The following LRRK2 variants were observed in gnomAD, a reference collection of about 807,000 sequenced individuals.
LRRK2 encodes leucine rich repeat kinase 2.
Under a neutral mutation model 302.6 loss-of-function variants are expected in LRRK2, and 203 were observed. That is an observed-to-expected ratio of 0.67 (90% CI 0.60 to 0.75). The LOEUF (loss-of-function observed/expected upper bound fraction) is 0.75. LRRK2 is among the 30% of genes least tolerant of loss of function. LRRK2 has a pLI of 0.00. For missense variants in LRRK2, 2,830 were observed against 2,951.0 expected (o/e 0.96, Z 0.95); for synonymous variants, 1,066 against 1,031.9 (o/e 1.03, Z -0.63).
At chr12:40,346,571 GATGTT>G (rs1193415004) in intron 41 of LRRK2, among the ~76,000 whole-genome samples, 177 bp from the exon 42 acceptor site, 3 of 152,128 alleles carry the variant, frequency 2.0e-5, no homozygotes, top group African/African-American at 7.2e-5. Flanking sequence ...TGGGGGGTGA[GATGTT>G]ATGAGACAGG....
intron 2 of LRRK2, among the ~76,000 whole-genome samples, chr12:40,229,734 T>A (rs1941078697): frequency 6.6e-6 from 1 of 152,208 alleles, no homozygotes; most frequent in African/African-American, 2.4e-5. Context: ...CTTAGAGAGA[T>A]AAGCTTTTAA....
intron 2 of LRRK2, among the ~76,000 whole-genome samples, chr12:40,231,948 C>G (rs1280005397): frequency 6.6e-6 from 1 of 151,646 alleles, no homozygotes; most frequent in Admixed American, 6.6e-5. Flanking sequence ...AGATTACAGG[C>G]GCCCATCACC....
At chr12:40,249,275 G>T (rs1455193389) in intron 7 of LRRK2, among the ~76,000 whole-genome samples, 1 of 151,376 alleles carries the variant, frequency 6.6e-6, no homozygotes, top group African/African-American at 2.4e-5. Context: ...GTATAAAAAG[G>T]TATGGGACTT....
chr12:40,304,089 G>A lies in LRRK2; in HGVS notation c.3732G>A (p.Trp1244Ter). ...ACTTGAGTGAAAAAGCATATTTATG[G>A]TCTAGAGTAGAGAAACTGCATCTTT... ...ILDLSEKAYL[W>*]SRVEKLHLSH... The change falls in exon 27 of 51, where the codon TGG becomes TGA. Residue 1244 changes from tryptophan to a stop codon, truncating the protein, a stop_gained. Coordinates refer to ENST00000298910, the MANE Select transcript of LRRK2 (RefSeq NM_198578.4). LOFTEE classifies it high-confidence loss of function. The A allele has an allele frequency of 1.9e-6, 3 of 1,613,504 alleles. No individual in the cohort carries two copies. The highest frequency in any genetic ancestry group is 1.7e-6 in the Non-Finnish European group (2 of 1,179,670).
At chr12:40,313,700 T>C (rs1264935453) in intron 31 of LRRK2, among the ~76,000 whole-genome samples, 1 of 151,764 alleles carries the variant, frequency 6.6e-6, no homozygotes, top group Non-Finnish European at 1.5e-5. Context: ...TTTTTTTCCA[T>C]GGAATTTCTG....
chr12:40,254,995 T>A (rs536547701), intron 11 of LRRK2, among the ~76,000 whole-genome samples: 1 of 152,268 alleles, frequency 6.6e-6, no homozygotes, highest in Admixed American at 6.5e-5. Flanking sequence ...ATGGCTACAT[T>A]GGCAGGCAGA....
At chr12:40,313,913 C>A in intron 31 of LRRK2, 59 bp from the exon 32 acceptor site, 1 of 1,453,962 alleles carries the variant, frequency 6.9e-7, no homozygotes, top group Non-Finnish European at 9.5e-7. Context: ...ATTTGCCAAC[C>A]ATTTGACAAA....
chr12:40,286,910 A>T lies in LRRK2; in HGVS notation c.2501-441A>T, dbSNP rs1429045990. Among the ~76,000 whole-genome samples the T allele has an allele frequency of 2.0e-5, 3 of 152,220 alleles. No homozygotes were observed. In the East Asian group the frequency reaches 5.8e-4, roughly 29 times the overall value. Reference sequence around the variant, plus strand: ...CTTTATTTAGCAGTTTATGTGTTCTATGCATTGTGCTAAACATTTTATATG... The same window carrying T: ...CTTTATTTAGCAGTTTATGTGTTCTTTGCATTGTGCTAAACATTTTATATG... On this transcript the variant is annotated intron_variant, in intron 19 of 50. Transcript: ENST00000298910.
chr12:40,302,204 TA>T (rs1179593076), intron 25 of LRRK2, among the ~76,000 whole-genome samples: 24 of 151,670 alleles, frequency 1.6e-4, no homozygotes, highest in Admixed American at 1.6e-3. Flanking sequence ...AATAAAATAA[TA>T]AAAAATAAAA....
At chr12:40,242,762 C>T (rs562611637) in intron 6 of LRRK2, among the ~76,000 whole-genome samples, 9 of 133,738 alleles carry the variant, frequency 6.7e-5, no homozygotes, top group East Asian at 2.3e-4. Context: ...AACTAGTTTA[C>T]AGTCCCACCA....
rs1480819285 is a variant in LRRK2 at position 40,321,086 on chromosome 12, A to C, written c.5068A>C (p.Ile1690Leu). Residue 1690 changes from isoleucine to leucine, a missense_variant, in exon 35 of 51, where the codon ATT (isoleucine) becomes CTT (leucine). Coordinates refer to ENST00000298910, the MANE Select transcript of LRRK2 (RefSeq NM_198578.4). ...GCTTCCCCATTGTGAGAACTCTGAA[A>C]TTATCATCCGACTATATGAAATGCC... ...IELPHCENSE[I>L]IIRLYEMPYF... The C allele has an allele frequency of 6.2e-7, 1 of 1,612,936 alleles. No homozygotes were observed. The highest frequency in any genetic ancestry group is 8.5e-7 in the Non-Finnish European group (1 of 1,179,100).
At chr12:40,239,699 T>C (rs1014494388) in intron 5 of LRRK2, among the ~76,000 whole-genome samples, 5 of 152,160 alleles carry the variant, frequency 3.3e-5, no homozygotes, top group Admixed American at 6.6e-5. Flanking sequence ...CTGTGGAAAC[T>C]AGACCATAAA....
At chr12:40,293,846 A>G (rs1404971739) in intron 21 of LRRK2, among the ~76,000 whole-genome samples, 183 bp downstream of exon 21, 1 of 150,528 alleles carries the variant, frequency 6.6e-6, no homozygotes, top group African/African-American at 2.4e-5. Context: ...ATTATGCTCA[A>G]TTCACATTTG....
At chr12:40,304,860 T>C (rs998671638) in intron 27 of LRRK2, 1 of 152,078 alleles carries the variant, frequency 6.6e-6, no homozygotes, top group African/African-American at 2.4e-5. Context: ...TGTGATATAC[T>C]TTTAAAGGAT....
chr12:40,295,654 A>G lies in LRRK2; in HGVS notation c.3096+10A>G. ...ACAACAGCTATGTGAAGTAAATTTAATTTATCCTTGTAACTTTCAAGACAT... is the reference window on the plus strand; with the variant it reads ...ACAACAGCTATGTGAAGTAAATTTAGTTTATCCTTGTAACTTTCAAGACAT... On this transcript the variant is annotated intron_variant, in intron 23 of 50. Coordinates refer to ENST00000298910, the MANE Select transcript of LRRK2 (RefSeq NM_198578.4). The G allele has an allele frequency of 6.2e-7, 1 of 1,610,374 alleles. No homozygotes were observed. The highest frequency in any genetic ancestry group is 8.5e-7 in the Non-Finnish European group (1 of 1,177,110).
intron 43 of LRRK2, among the ~76,000 whole-genome samples, chr12:40,350,278 A>G (rs980162031): frequency 6.6e-6 from 1 of 152,254 alleles, no homozygotes; most frequent in East Asian, 1.9e-4. Flanking sequence ...AAGAGTATAC[A>G]TTTATATTAT....
At chr12:40,336,020 C>A (rs997046113) in intron 40 of LRRK2, among the ~76,000 whole-genome samples, 1 of 152,168 alleles carries the variant, frequency 6.6e-6, no homozygotes, top group South Asian at 2.1e-4. Context: ...GCCTACTGGT[C>A]CCCTGCTTCT....
chr12:40,323,345 G>A (rs753270193), intron 38 of LRRK2, 39 bp downstream of exon 38: 2 of 1,526,594 alleles, frequency 1.3e-6, no homozygotes, highest in Admixed American at 3.4e-5. Context: ...AAATTAGGAT[G>A]TAATTTTCTC....
At chr12:40,308,956 C>A in intron 29 of LRRK2, 150 bp from the exon 30 acceptor site, 1 of 986,312 alleles carries the variant, frequency 1.0e-6, no homozygotes, top group Non-Finnish European at 1.5e-6. Context: ...TAGTAAAAAC[C>A]CAGAATAGTT....
Sources: gnomAD v4.1 joint callset for allele counts (sites outside exome capture counted in the v4.1 genomes callset) on GRCh38, gnomAD v4.1.1 for gene constraint, MANE v1.5 for transcripts, NCBI Gene and HGNC (gene_info 2026-07-23, HGNC 2026-07-21) for gene names.